Variants in BFAR observed in about 807,000 individuals in gnomAD.
The protein encoded by BFAR is RING finger protein 47.
BFAR carries 52 observed loss-of-function variants against 54.4 expected under a neutral mutation model. The ratio of observed to expected loss-of-function variants is 0.96; its 90% CI spans 0.77 to 1.21. The LOEUF is 1.21. Ranked by LOEUF, BFAR falls within the 50% of genes most tolerant of loss-of-function variation. The probability of loss-of-function intolerance (pLI) is 0.00; values close to 1 mark genes in which losing one functional copy is unlikely to be tolerated. For missense variants in BFAR, 571 were observed against 534.0 expected, an observed-to-expected ratio of 1.07 and a Z score of -0.68; for synonymous variants, 215 against 204.3, an observed-to-expected ratio of 1.05 and a Z score of -0.45.
At chr16:14,657,937 G>A (rs1960175336) in intron 5 of BFAR, among the ~76,000 whole-genome samples, 2 of 152,020 alleles carry the variant, frequency 1.3e-5, no homozygotes, top group Non-Finnish European at 1.5e-5. Flanking sequence ...TGCCCAGGCT[G>A]GTCTCAAATT....
intron 5 of BFAR, among the ~76,000 whole-genome samples, chr16:14,659,869 A>G (rs1264421859): frequency 6.6e-6 from 1 of 152,174 alleles, no homozygotes; most frequent in East Asian, 1.9e-4. Flanking sequence ...ATACATTTCT[A>G]AAGAGAAAGA....
In BFAR at chr16:14,658,416, G is replaced by A. The variant is rs146308872; in HGVS notation, c.783+3206G>A. On this transcript the variant is annotated intron_variant, in intron 5 of 7. Transcript: ENST00000261658. ...AAAGAGAAGGGAAGATGGAGCTTCT[G>A]TCTTGAACATGATTGACATAACTGC... Among the ~76,000 whole-genome samples, 153 of 152,256 alleles carry A rather than the reference G, an allele frequency of 1.0e-3. 1 individual carries two copies. The highest frequency in any genetic ancestry group is 3.4e-3 in the African/African-American group (140 of 41,550).
At chr16:14,665,984 G>A (rs1052721586) in intron 7 of BFAR, among the ~76,000 whole-genome samples, 28 of 152,248 alleles carry the variant, frequency 1.8e-4, no homozygotes, top group Middle Eastern at 3.4e-3. Context: ...CACCAGTACT[G>A]ACTCTTTCTC....
At chr16:14,647,274 AG>A (rs1959827664) in intron 2 of BFAR, among the ~76,000 whole-genome samples, 1 of 151,138 alleles carries the variant, frequency 6.6e-6, no homozygotes, top group South Asian at 2.1e-4. Context: ...TAGTAGAAAC[AG>A]GGTTTTACCA....
intron 1 of BFAR, among the ~76,000 whole-genome samples, chr16:14,636,823 C>T (rs1020265766): frequency 2.6e-5 from 4 of 152,226 alleles, no homozygotes; most frequent in Admixed American, 6.5e-5. Flanking sequence ...GCAGTGTTTG[C>T]GTCCCTGGGT....
In BFAR at chr16:14,657,339, A is replaced by G. The variant is rs567665116; in HGVS notation, c.783+2129A>G. On this transcript the variant is annotated intron_variant, in intron 5 of 7. Transcript: ENST00000261658. ...TCTCAGCTCACTGCAAGCTCTGCCT[A>G]CTGGGTTCACGCCATTCTCCTGCCT... Among the ~76,000 whole-genome samples, 24 of 149,226 alleles carry G rather than the reference A, an allele frequency of 1.6e-4. No homozygotes were observed. The South Asian group carries it at 5.1e-3, about 32-fold the overall frequency.
chr16:14,637,610 C>G (rs1438012561), intron 1 of BFAR, among the ~76,000 whole-genome samples: 1 of 152,130 alleles, frequency 6.6e-6, no homozygotes, highest in Non-Finnish European at 1.5e-5. Context: ...CCACGGCAGG[C>G]AGATCACCTG....
At chr16:14,646,159 TTC>T (rs1265044416) in intron 2 of BFAR, among the ~76,000 whole-genome samples, 2 of 152,148 alleles carry the variant, frequency 1.3e-5, no homozygotes, top group Non-Finnish European at 2.9e-5. Flanking sequence ...TCAAGCAGTT[TTC>T]TCCTGCCTCA....
chr16:14,646,154 C>G (rs550195606), intron 2 of BFAR, among the ~76,000 whole-genome samples: 356 of 152,264 alleles, frequency 2.3e-3, no homozygotes, highest in Non-Finnish European at 3.4e-3. Context: ...CAGGTTCAAG[C>G]AGTTTTCTCC....
intron 6 of BFAR, among the ~76,000 whole-genome samples, chr16:14,663,869 A>G (rs538960356): frequency 4.3e-4 from 65 of 152,066 alleles, no homozygotes; most frequent in African/African-American, 1.5e-3. Context: ...TTCATAATTC[A>G]TGCTTTTTTT....
At position 14,644,448 on chromosome 16, in the gene BFAR, C is replaced by T; in HGVS notation, c.102C>T (p.Cys34=). The T allele has an allele frequency of 1.9e-6, 3 of 1,614,058 alleles. No homozygotes were observed. Among genetic ancestry groups the T allele is most frequent in the Non-Finnish European group, 2.5e-6 (3 of 1,180,004 alleles). The change falls in exon 2 of 8, where the codon TGC becomes TGT. Residue 34 remains cysteine (C), a synonymous_variant. Coordinates refer to ENST00000261658, the MANE Select transcript of BFAR (RefSeq NM_016561.3). ...GPQISVSEFS[C]HCCYDILVNP... Reference sequence around the variant, plus strand: ...AGATTTCTGTTAGTGAATTTTCTTGCCACTGCTGCTACGACATCCTGGTTA... The same window carrying T: ...AGATTTCTGTTAGTGAATTTTCTTGTCACTGCTGCTACGACATCCTGGTTA...
chr16:14,639,018 G>T (rs1959540300), intron 1 of BFAR, among the ~76,000 whole-genome samples: 1 of 152,060 alleles, frequency 6.6e-6, no homozygotes, highest in African/African-American at 2.4e-5. Flanking sequence ...CAGTAAGAAT[G>T]ATTGTATTAA....
rs555390571 is a variant in BFAR, at chr16:14,641,833, G to A, written c.-73-2441G>A. ...GCTCAGGTTGTGCTATTGCACTCCA[G>A]CCTGGGCAAAAAGAGCAAAACTCTA... On this transcript the variant is annotated intron_variant, in intron 1 of 7. Coordinates refer to ENST00000261658, the MANE Select transcript of BFAR (RefSeq NM_016561.3). Among the ~76,000 whole-genome samples the A allele has an allele frequency of 2.0e-5, 3 of 152,316 alleles. No homozygotes were observed. In the South Asian group the frequency reaches 6.2e-4, roughly 32 times the overall value.
At chr16:14,659,390 C>T (rs918419048) in intron 5 of BFAR, among the ~76,000 whole-genome samples, 2 of 151,670 alleles carry the variant, frequency 1.3e-5, no homozygotes, top group African/African-American at 4.8e-5. Flanking sequence ...TACAGGTGCC[C>T]ACCACCACAC....
At chr16:14,653,955 C>A (rs1388097440) in intron 4 of BFAR, among the ~76,000 whole-genome samples, 1 of 151,958 alleles carries the variant, frequency 6.6e-6, no homozygotes, top group Non-Finnish European at 1.5e-5. Context: ...TCTGCCTCAG[C>A]CTACCAAAGT....
intron 5 of BFAR, among the ~76,000 whole-genome samples, chr16:14,660,601 T>A (rs1370729686): frequency 4.2e-5 from 6 of 141,276 alleles, no homozygotes; most frequent in East Asian, 2.4e-4. Context: ...TTTTTTTTTT[T>A]AAAGAAACGA....
At chr16:14,641,275 A>T (rs1463320611) in intron 1 of BFAR, among the ~76,000 whole-genome samples, 2 of 152,184 alleles carry the variant, frequency 1.3e-5, no homozygotes, top group African/African-American at 2.4e-5. Context: ...TGGAGCCTTC[A>T]AGATGGAGAA....
chr16:14,663,206 GGGT>G (rs1231983428), intron 6 of BFAR, among the ~76,000 whole-genome samples: 3 of 152,180 alleles, frequency 2.0e-5, no homozygotes, highest in Admixed American at 6.6e-5. Context: ...ACAACATGAG[GGGT>G]GGTCTCCTCC....
Position 14,644,305 on chromosome 16 carries a change from C to G in BFAR, c.-42C>G, listed in dbSNP as rs1313854810. 10 of 1,570,004 alleles carry G rather than the reference C, an allele frequency of 6.4e-6. No homozygotes were observed. Among genetic ancestry groups the G allele is most frequent in the Non-Finnish European group, 8.7e-6 (10 of 1,153,370 alleles). On this transcript the variant is annotated 5_prime_UTR_variant, in exon 2 of 8. Transcript: ENST00000261658. ...GATGTTTTGCAGCAGTTTTCTACGT[C>G]TGAAATTTTTTATGTCTCTGGAACC...
Sources: gnomAD v4.1 joint callset for allele counts (sites outside exome capture counted in the v4.1 genomes callset) on GRCh38, gnomAD v4.1.1 for gene constraint, MANE v1.5 for transcripts, NCBI Gene and HGNC (gene_info 2026-07-23, HGNC 2026-07-21) for gene names.